RAB38: variants seen among roughly 807,000 people sequenced by gnomAD.
RAB38 encodes the protein RAB38, member RAS oncogene family, also known as ras-related protein Rab-38.
RAB38 carries 15 observed loss-of-function variants against 18.4 expected under a neutral mutation model. That is an observed-to-expected ratio of 0.82 (90% CI 0.55 to 1.26). The LOEUF (loss-of-function observed/expected upper bound fraction) is 1.26. Among genes scored for constraint, RAB38 ranks in the 50% most tolerant of loss-of-function variants. RAB38 has a pLI of 0.00. For synonymous variants in RAB38, 101 were observed against 104.4 expected, an observed-to-expected ratio of 0.97 and a Z score of 0.20; for missense variants, 294 against 267.4, an observed-to-expected ratio of 1.10 and a Z score of -0.69.
At chr11:87,847,959 T>A in the RAB38 span, among the ~76,000 whole-genome samples, 1 of 152,108 alleles carries the variant, frequency 6.6e-6, no homozygotes, top group African/African-American at 2.4e-5. Flanking sequence ...CAATTACCAA[T>A]TAAATAACTT....
chr11:87,815,066 GGTATA>G, the RAB38 span: 1 of 152,154 alleles, frequency 6.6e-6, no homozygotes, highest in Non-Finnish European at 1.5e-5. Flanking sequence ...GGCAGTGAGT[GGTATA>G]GGGTGAGGAT....
the RAB38 span, among the ~76,000 whole-genome samples, chr11:87,811,502 T>G: frequency 7.2e-5 from 11 of 152,190 alleles, no homozygotes; most frequent in Non-Finnish European, 1.6e-4. Flanking sequence ...TCCATCCCTA[T>G]TTTTAAGAAC....
the RAB38 span, among the ~76,000 whole-genome samples, chr11:88,056,832 A>AATAAATAAATACATAC: frequency 1.1e-4 from 5 of 45,504 alleles, no homozygotes; most frequent in African/African-American, 2.3e-4. Context: ...TAAATAAATA[A>AATAAATAAATACATAC]ATACATACAT....
the RAB38 span, among the ~76,000 whole-genome samples, chr11:87,883,558 C>T: frequency 3.3e-5 from 5 of 151,856 alleles, no homozygotes; most frequent in Non-Finnish European, 7.4e-5. Context: ...AAGATGGGAC[C>T]TGTGAATATG....
At chr11:88,150,711 C>T (rs1328135057) in intron 1 of RAB38, among the ~76,000 whole-genome samples, 1 of 152,138 alleles carries the variant, frequency 6.6e-6, no homozygotes, top group African/African-American at 2.4e-5. Context: ...TCAAATCATA[C>T]AGATAGTAAG....
the RAB38 span, among the ~76,000 whole-genome samples, chr11:88,054,763 T>G: frequency 2.6e-5 from 4 of 152,158 alleles, no homozygotes; most frequent in African/African-American, 9.7e-5. Context: ...GTTTTCACAT[T>G]TGAGGTGGGA....
the RAB38 span, among the ~76,000 whole-genome samples, chr11:87,948,274 G>A: frequency 7.9e-5 from 12 of 152,088 alleles, no homozygotes; most frequent in East Asian, 3.9e-4. Context: ...GAAGTTGCTT[G>A]TCAGCTTAAG....
chr11:88,118,903 T>C (rs182798328), intron 2 of RAB38, among the ~76,000 whole-genome samples: 1 of 152,274 alleles, frequency 6.6e-6, no homozygotes, highest in East Asian at 1.9e-4. Flanking sequence ...CAAACATCTA[T>C]TGGAGAGGTA....
At chr11:88,154,999 T>C (rs1048039080) in intron 1 of RAB38, among the ~76,000 whole-genome samples, 1 of 152,346 alleles carries the variant, frequency 6.6e-6, no homozygotes, top group African/African-American at 2.4e-5. Flanking sequence ...GGCAGCTCTC[T>C]AGGCATCTGA....
In RAB38 at chr11:88,149,854, C is replaced by T; in HGVS notation, c.304G>A (p.Ala102Thr). 1.9e-6 allele frequency: 3 copies of T among 1,614,010 alleles called. No homozygotes were observed. Among genetic ancestry groups the T allele is most frequent in the Non-Finnish European group, 1.7e-6 (2 of 1,179,988 alleles). Residue 102 changes from alanine to threonine, a missense_variant, in exon 2 of 3, where the codon GCA (alanine) becomes ACA (threonine). Coordinates refer to ENST00000243662, the MANE Select transcript of RAB38 (RefSeq NM_022337.3). ...VTRPATFEAV[A>T]KWKNDLDSKL... ...GAGTCCAAATCATTTTTCCACTTTG[C>T]CACTGCTTCAAATGTGGCTGGCCTG...
At chr11:88,043,581 T>C in the RAB38 span, among the ~76,000 whole-genome samples, 3 of 147,570 alleles carry the variant, frequency 2.0e-5, no homozygotes, top group Middle Eastern at 3.4e-3. Flanking sequence ...GCTCAAAAGC[T>C]CCCCCACTGA....
At chr11:87,853,323 G>C in the RAB38 span, among the ~76,000 whole-genome samples, 1 of 152,130 alleles carries the variant, frequency 6.6e-6, no homozygotes, top group Non-Finnish European at 1.5e-5. Context: ...GTTCATGAGG[G>C]TGAGGCCTCC....
chr11:88,027,134 G>C, the RAB38 span, among the ~76,000 whole-genome samples: 1 of 151,852 alleles, frequency 6.6e-6, no homozygotes, highest in Non-Finnish European at 1.5e-5. Context: ...GCTTGAGAAA[G>C]TTTCCTTTCT....
At chr11:88,090,359 T>C in the RAB38 span, among the ~76,000 whole-genome samples, 4 of 152,056 alleles carry the variant, frequency 2.6e-5, no homozygotes, top group South Asian at 8.3e-4. Context: ...ATTGTCCCCA[T>C]GTCTGACAAG....
the RAB38 span, among the ~76,000 whole-genome samples, chr11:87,808,891 AG>A: frequency 6.6e-6 from 1 of 152,196 alleles, no homozygotes; most frequent in Non-Finnish European, 1.5e-5. Flanking sequence ...GTAAAAATAA[AG>A]GTATCAATTA....
At chr11:88,119,383 T>A (rs1591154243) in intron 2 of RAB38, among the ~76,000 whole-genome samples, 1 of 152,208 alleles carries the variant, frequency 6.6e-6, no homozygotes, top group East Asian at 1.9e-4. Context: ...TGTTCATAAT[T>A]TTTTAAAAAG....
chr11:87,935,452 A>T, the RAB38 span, among the ~76,000 whole-genome samples: 2 of 151,972 alleles, frequency 1.3e-5, no homozygotes, highest in East Asian at 1.9e-4. Flanking sequence ...TTTCACACAG[A>T]TTTCTGTAGA....
the RAB38 span, among the ~76,000 whole-genome samples, chr11:88,059,479 T>C: frequency 6.6e-6 from 1 of 152,360 alleles, no homozygotes; most frequent in African/African-American, 2.4e-5. Context: ...GGAATGTTTC[T>C]AAATGATCAT....
At chr11:87,899,153 T>G in the RAB38 span, among the ~76,000 whole-genome samples, 1 of 151,606 alleles carries the variant, frequency 6.6e-6, no homozygotes, top group Non-Finnish European at 1.5e-5. Flanking sequence ...CAAGTAAAGC[T>G]GTGTATCTAC....
Sources: allele counts gnomAD v4.1 joint callset (sites outside exome capture counted in the v4.1 genomes callset), GRCh38; gene constraint gnomAD v4.1.1; transcripts MANE v1.5; gene names NCBI Gene and HGNC (gene_info 2026-07-23, HGNC 2026-07-21).